Variants in RFWD3 observed in about 807,000 individuals in gnomAD.
RFWD3 encodes the protein ring finger and WD repeat domain 3, also known as E3 ubiquitin-protein ligase RFWD3.
In RFWD3, 65 loss-of-function variants were observed where a neutral mutation model predicts 87.7. That is an observed-to-expected ratio of 0.74 (90% CI 0.61 to 0.91). RFWD3 has a LOEUF of 0.91. Among genes scored for constraint, RFWD3 ranks in the 40% least tolerant of loss-of-function variants. The probability of loss-of-function intolerance (pLI) is 0.00; values close to 1 mark genes in which losing one functional copy is unlikely to be tolerated. For synonymous variants in RFWD3, 433 were observed against 352.8 expected (o/e 1.23, Z -2.55); for missense variants, 1,078 against 938.5 (o/e 1.15, Z -1.94).
At chr16:74,638,737 G>A (rs1205744814) in intron 6 of RFWD3, among the ~76,000 whole-genome samples, 2 of 152,170 alleles carry the variant, frequency 1.3e-5, no homozygotes, top group African/African-American at 2.4e-5. Context: ...ATTAGTAAAT[G>A]TAATTTAAAA....
chr16:74,629,532 G>A (rs1959028375), intron 10 of RFWD3, among the ~76,000 whole-genome samples: 1 of 151,964 alleles, frequency 6.6e-6, no homozygotes, highest in South Asian at 2.1e-4. Context: ...GGTGGCACAC[G>A]CGTATAGTCC....
chr16:74,629,308 T>C lies in RFWD3; in HGVS notation c.1755-642A>G, dbSNP rs187323613. 2.6e-4 allele frequency among the ~76,000 whole-genome samples: 39 copies of C among 152,320 alleles called. 1 individual carries two copies. Among genetic ancestry groups the C allele is most frequent in the Non-Finnish European group, 4.3e-4 (29 of 68,026 alleles). ...CCTGTCACAATAAAGGTAATCAAAG[T>C]AAACAAAAATAAAAATGAACATTAC... On this transcript the variant is annotated intron_variant, in intron 10 of 12. Coordinates refer to ENST00000361070, the MANE Select transcript of RFWD3 (RefSeq NM_018124.4).
At chr16:74,642,875 A>G (rs1405404458) in intron 6 of RFWD3, among the ~76,000 whole-genome samples, 1 of 152,208 alleles carries the variant, frequency 6.6e-6, no homozygotes, top group Non-Finnish European at 1.5e-5. Context: ...TCGTTTTATT[A>G]GTCTGTATCG....
Position 74,661,635 on chromosome 16 carries a change from TA to T in RFWD3, c.-2-185del, listed in dbSNP as rs145972504. ...GTTTGGTAATGGACTTTCCTCTCTA[TA>T]ACAAGCATTTATAACCAGTTTTCCG... On this transcript the variant is annotated intron_variant, in intron 1 of 12. Coordinates refer to ENST00000361070, the MANE Select transcript of RFWD3 (RefSeq NM_018124.4). Among the ~76,000 whole-genome samples, 451 of 152,302 alleles carry T rather than the reference TA, an allele frequency of 3.0e-3. 2 individuals carry two copies. Among genetic ancestry groups the T allele is most frequent in the Middle Eastern group, 0.017 (5 of 294 alleles).
At chr16:74,653,090 G>A (rs561002074) in intron 2 of RFWD3, among the ~76,000 whole-genome samples, 1 of 152,240 alleles carries the variant, frequency 6.6e-6, no homozygotes, top group Non-Finnish European at 1.5e-5. Context: ...TGTAATCCTA[G>A]CACTTTGGGA....
At chr16:74,654,430 C>A (rs748004464) in intron 2 of RFWD3, among the ~76,000 whole-genome samples, 1 of 152,026 alleles carries the variant, frequency 6.6e-6, no homozygotes, top group African/African-American at 2.4e-5. Flanking sequence ...AGAATCACAC[C>A]CATATAAGAT....
chr16:74,653,372 T>G (rs774759415), intron 2 of RFWD3, among the ~76,000 whole-genome samples: 5 of 150,940 alleles, frequency 3.3e-5, no homozygotes, highest in Non-Finnish European at 7.4e-5. Context: ...CCCAAAAAAC[T>G]TGGGAGGCTG....
Position 74,649,159 on chromosome 16 carries a change from G to C in RFWD3, c.765C>G (p.Ile255Met), listed in dbSNP as rs762552515. The C allele has an allele frequency of 4.1e-5, 65 of 1,570,554 alleles. 1 individual carries two copies. The South Asian group carries it at 7.4e-4, about 18-fold the overall frequency. The stretch of plus-strand genomic sequence containing the variant: ...GTTTGGGGAGGGTCTTGCCTCCATC[G>C]ATACATGTAACTTCTTGCTCTGCTG... ...GVSAEQEVTC[I>M]DGGKTLPKQP... The change falls in exon 4 of 13, where the codon ATC becomes ATG. Residue 255 changes from isoleucine to methionine, a missense_variant. Physicochemically the swap from Ile to Met is conservative, Grantham distance 10. Coordinates refer to ENST00000361070, the MANE Select transcript of RFWD3 (RefSeq NM_018124.4).
chr16:74,650,073 C>T (rs1014684264), intron 3 of RFWD3, among the ~76,000 whole-genome samples: 1 of 152,156 alleles, frequency 6.6e-6, no homozygotes, highest in Non-Finnish European at 1.5e-5. Flanking sequence ...TGTAGACTTG[C>T]CTTTTCTGGA....
Position 74,661,298 on chromosome 16 carries a change from G to C in RFWD3, c.152C>G (p.Ser51Cys). The stretch of plus-strand genomic sequence containing the variant: ...CTCAGCAGGAGCTGGCTGGAGGATG[G>C]ATGGTACCCCCTGGCTGCTGACCAC... ...ADVVSSQGVP[S>C]ILQPAPAEVI... The change falls in exon 2 of 13, where the codon TCC becomes TGC. Residue 51 changes from serine to cysteine, a missense_variant. Ser to Cys is a moderately radical substitution (Grantham distance 112). Coordinates refer to ENST00000361070, the MANE Select transcript of RFWD3 (RefSeq NM_018124.4). 6.2e-7 allele frequency: 1 copy of C among 1,614,148 alleles called. No homozygotes were observed. The highest frequency in any genetic ancestry group is 8.5e-7 in the Non-Finnish European group (1 of 1,180,022).
At chr16:74,639,738 A>G (rs965999169) in intron 6 of RFWD3, among the ~76,000 whole-genome samples, 3 of 152,234 alleles carry the variant, frequency 2.0e-5, no homozygotes, top group Non-Finnish European at 4.4e-5. Flanking sequence ...TTTGCAGAAC[A>G]AAATGGGGGA....
At chr16:74,647,439 C>A (rs1321764293) in intron 4 of RFWD3, among the ~76,000 whole-genome samples, 5 of 152,080 alleles carry the variant, frequency 3.3e-5, no homozygotes, top group Non-Finnish European at 7.4e-5. Flanking sequence ...AGGCACGCAC[C>A]ACCATATCCG....
Position 74,653,490 on chromosome 16 carries a change from C to CA in RFWD3, c.519-1369dup, listed in dbSNP as rs199536829. 4.7e-4 allele frequency among the ~76,000 whole-genome samples: 65 copies of CA among 137,618 alleles called. 3 individuals are homozygous for CA. Among genetic ancestry groups the CA allele is most frequent in the South Asian group, 9.3e-4 (4 of 4,292 alleles). The allele number at this position is 137,618 out of a possible 152,430, so 90.3% of individuals were successfully genotyped here. A position where few individuals can be genotyped will look rare whatever the true frequency, so the allele number is the denominator to read the frequency against. On this transcript the variant is annotated intron_variant, in intron 2 of 12. Coordinates refer to ENST00000361070, the MANE Select transcript of RFWD3 (RefSeq NM_018124.4). ...GGTGGCAAGAGAGAGACTCCATCTT[C>CA]AAAAAAAAAAAGAAGAAGAAAAAAT... is the stretch of plus-strand genomic sequence containing the variant.
Position 74,632,676 on chromosome 16 carries a change from G to T in RFWD3, c.1427-3C>A, listed in dbSNP as rs1045819269. On this transcript the variant is annotated splice_polypyrimidine_tract_variant and splice_region_variant and intron_variant, in intron 8 of 12. Transcript: ENST00000361070. Reference sequence around the variant, plus strand: ...ACTCAACATCTTAACACCAAAGCCTGAAAAAGGCAAAATAGTATGAAATAG... The same window carrying T: ...ACTCAACATCTTAACACCAAAGCCTTAAAAAGGCAAAATAGTATGAAATAG... 1.9e-6 allele frequency: 3 copies of T among 1,613,216 alleles called. No individual in the cohort carries two copies. The highest frequency in any genetic ancestry group is 2.5e-6 in the Non-Finnish European group (3 of 1,179,722).
intron 11 of RFWD3, 44 bp from the exon 12 acceptor site, chr16:74,626,598 C>G (rs1449639913): frequency 6.5e-6 from 10 of 1,539,208 alleles, no homozygotes; most frequent in Non-Finnish European, 8.9e-6. Context: ...GGACGCTACA[C>G]AAAAAATTAA....
intron 8 of RFWD3, among the ~76,000 whole-genome samples, chr16:74,633,984 CAA>C (rs879926796): frequency 1.5e-5 from 2 of 133,464 alleles, no homozygotes; most frequent in Non-Finnish European, 1.6e-5. Context: ...GATCTTCTGT[CAA>C]AAAAAAAAAA....
At chr16:74,626,038 C>CAGT (rs1958922927) in intron 12 of RFWD3, among the ~76,000 whole-genome samples, 2 of 152,102 alleles carry the variant, frequency 1.3e-5, no homozygotes, top group African/African-American at 4.8e-5. Flanking sequence ...ATACAAAAAT[C>CAGT]AGTCGGGCAT....
At chr16:74,662,158 TG>T (rs2144365317) in intron 1 of RFWD3, among the ~76,000 whole-genome samples, 1 of 152,284 alleles carries the variant, frequency 6.6e-6, no homozygotes, top group South Asian at 2.1e-4. Flanking sequence ...AATTTTTTTT[TG>T]TTATATAGAT....
intron 1 of RFWD3, among the ~76,000 whole-genome samples, chr16:74,664,180 G>A (rs1288459691): frequency 1.3e-5 from 2 of 151,990 alleles, no homozygotes; most frequent in African/African-American, 4.8e-5. Context: ...TCAACTCCTC[G>A]GCTCAAGCAA....
Sources: allele counts gnomAD v4.1 joint callset (sites outside exome capture counted in the v4.1 genomes callset), GRCh38; gene constraint gnomAD v4.1.1; transcripts MANE v1.5; gene names NCBI Gene and HGNC (gene_info 2026-07-23, HGNC 2026-07-21).